Variants in NELL2 observed in about 807,000 individuals in gnomAD.
The protein encoded by NELL2 is neural EGFL like 2, also known as protein kinase C-binding protein NELL2.
NELL2 carries 41 observed loss-of-function variants against 109.6 expected under a neutral mutation model. The observed-to-expected ratio is 0.37, with a 90% CI of 0.29 to 0.49. The LOEUF is 0.49. Among genes scored for constraint, NELL2 ranks in the 20% least tolerant of loss-of-function variants. NELL2 has a pLI of 0.98. For synonymous variants in NELL2, 355 were observed against 344.7 expected (o/e 1.03, Z -0.33); for missense variants, 900 against 1,008.3 (o/e 0.89, Z 1.45).
chr12:44,585,275 A>C (rs1004270861), intron 15 of NELL2, among the ~76,000 whole-genome samples: 2 of 152,172 alleles, frequency 1.3e-5, no homozygotes, highest in African/African-American at 4.8e-5. Context: ...CATTTGAAAT[A>C]GTAAAAGATT....
At chr12:44,740,243 C>T (rs924412330) in intron 9 of NELL2, among the ~76,000 whole-genome samples, 21 of 152,200 alleles carry the variant, frequency 1.4e-4, no homozygotes, top group South Asian at 8.3e-4. Context: ...TTAAGAACGA[C>T]GTACAGATAC....
intron 11 of NELL2, among the ~76,000 whole-genome samples, chr12:44,706,698 T>C (rs1394916737): frequency 5.3e-5 from 8 of 152,170 alleles, no homozygotes; most frequent in Non-Finnish European, 1.2e-4. Context: ...ATTAGAGCAC[T>C]ACTAAGCTGA....
At chr12:44,557,489 A>G (rs748105462) in intron 15 of NELL2, among the ~76,000 whole-genome samples, 1 of 152,170 alleles carries the variant, frequency 6.6e-6, no homozygotes, top group Non-Finnish European at 1.5e-5. Flanking sequence ...AATGATGATC[A>G]TTGCCAAGAG....
chr12:44,527,787 T>C (rs1457544849), intron 16 of NELL2, among the ~76,000 whole-genome samples: 1 of 152,142 alleles, frequency 6.6e-6, no homozygotes, highest in Non-Finnish European at 1.5e-5. Flanking sequence ...ATAACTTAGA[T>C]GTGTTCTTTT....
rs1488439741 is a variant in NELL2, at chr12:44,791,115, A to ATATATATGTATATT, written c.336-11094_336-11093insAATATACATATATA. Reference sequence around the variant, plus strand: ...TATATATGTATATATATATGTATATATATATGTATATATATATATACACAC... The same window carrying ATATATATGTATATT: ...TATATATGTATATATATATGTATATATATATATGTATATTTATATGTATATATATATATACACAC... On this transcript the variant is annotated intron_variant, in intron 3 of 19. Transcript: ENST00000429094. 3.8e-3 allele frequency among the ~76,000 whole-genome samples: 45 copies of ATATATATGTATATT among 11,752 alleles called. 2 individuals carry two copies. Among genetic ancestry groups the ATATATATGTATATT allele is most frequent in the African/African-American group, 0.015 (43 of 2,890 alleles). 7.7% of individuals were successfully genotyped at this position (11,752 alleles called of 152,430 possible). A position where few individuals can be genotyped will look rare whatever the true frequency, so the allele number is the denominator to read the frequency against.
At chr12:44,732,037 AC>A (rs1939397196) in intron 9 of NELL2, among the ~76,000 whole-genome samples, 1 of 152,050 alleles carries the variant, frequency 6.6e-6, no homozygotes. Context: ...AAAGACTTGT[AC>A]ACTAAAAACT....
chr12:44,826,139 G>A (rs1943704093), intron 2 of NELL2, among the ~76,000 whole-genome samples: 1 of 152,126 alleles, frequency 6.6e-6, no homozygotes, highest in Non-Finnish European at 1.5e-5. Context: ...AAATAGGTAA[G>A]CATCATTGTT....
At chr12:44,607,303 G>C (rs1301905651) in intron 14 of NELL2, 39 bp from the exon 15 acceptor site, 2 of 1,553,120 alleles carry the variant, frequency 1.3e-6, no homozygotes, top group Admixed American at 3.5e-5. Context: ...CACTTTAGAA[G>C]TAAGTAGTTT....
chr12:44,575,686 G>A (rs1277266675), intron 15 of NELL2, among the ~76,000 whole-genome samples: 1 of 152,134 alleles, frequency 6.6e-6, no homozygotes, highest in Non-Finnish European at 1.5e-5. Flanking sequence ...ATAAAGCACT[G>A]AGCATAGGGT....
upstream of NELL2, chr12:44,876,568 A>AT (rs769361618): frequency 6.7e-7 from 1 of 1,494,398 alleles, no homozygotes; most frequent in South Asian, 1.3e-5. Context: ...AAAGCTCTAA[A>AT]TCCAAGGTGC....
intron 2 of NELL2, among the ~76,000 whole-genome samples, chr12:44,850,819 C>G (rs527739326): frequency 3.3e-5 from 5 of 152,250 alleles, no homozygotes; most frequent in African/African-American, 9.6e-5. Context: ...CCCAAAGGGA[C>G]TGCATAAACC....
intron 15 of NELL2, among the ~76,000 whole-genome samples, chr12:44,605,371 G>A (rs913115145): frequency 2.0e-5 from 3 of 152,134 alleles, no homozygotes; most frequent in African/African-American, 7.2e-5. Flanking sequence ...CTTGCCCAAG[G>A]CAACATAACA....
intron 17 of NELL2, among the ~76,000 whole-genome samples, chr12:44,522,592 C>A (rs969594115): frequency 6.6e-6 from 1 of 151,890 alleles, no homozygotes; most frequent in Non-Finnish European, 1.5e-5. Context: ...TACTAAATTT[C>A]TGGAGTATTT....
chr12:44,628,517 C>T (rs2136281851), intron 13 of NELL2, among the ~76,000 whole-genome samples: 1 of 152,254 alleles, frequency 6.6e-6, no homozygotes, highest in East Asian at 1.9e-4. Context: ...TGAGACTTGC[C>T]CTTTGCTATT....
intron 13 of NELL2, among the ~76,000 whole-genome samples, chr12:44,642,607 C>T (rs948259376): frequency 6.2e-4 from 94 of 152,250 alleles, no homozygotes; most frequent in African/African-American, 2.3e-3. Context: ...AGTGGCCGGG[C>T]GTGGTGGATC....
intron 3 of NELL2, among the ~76,000 whole-genome samples, chr12:44,802,075 A>G (rs1942850590): frequency 1.3e-5 from 2 of 152,036 alleles, no homozygotes; most frequent in Non-Finnish European, 2.9e-5. Context: ...CCGTTTTCAT[A>G]TTTATCAGTT....
At chr12:44,743,822 G>C (rs914202000) in intron 9 of NELL2, among the ~76,000 whole-genome samples, 19 of 152,092 alleles carry the variant, frequency 1.2e-4, no homozygotes, top group Non-Finnish European at 7.4e-5. Context: ...GACCTACAAA[G>C]AGACTTAGAC....
chr12:44,758,188 G>C (rs1316469445), intron 9 of NELL2, among the ~76,000 whole-genome samples: 2 of 152,056 alleles, frequency 1.3e-5, no homozygotes, highest in African/African-American at 4.8e-5. Flanking sequence ...GTGATAACTA[G>C]ATCATTTGGG....
At chr12:44,893,478 C>G (rs577445666) in intron 1 of NELL2, among the ~76,000 whole-genome samples, 64 of 152,266 alleles carry the variant, frequency 4.2e-4, no homozygotes, top group Admixed American at 1.2e-3. Flanking sequence ...TCAGTCCTCA[C>G]TTAACTAACA....
Sources: gnomAD v4.1 joint callset for allele counts (sites outside exome capture counted in the v4.1 genomes callset) on GRCh38, gnomAD v4.1.1 for gene constraint, MANE v1.5 for transcripts, NCBI Gene and HGNC (gene_info 2026-07-23, HGNC 2026-07-21) for gene names.